ZC3H6: variants seen among roughly 807,000 people sequenced by gnomAD.
ZC3H6 encodes zinc finger CCCH-type containing 6.
In ZC3H6, 40 loss-of-function variants were observed where a neutral mutation model predicts 107.7. The ratio of observed to expected loss-of-function variants is 0.37; its 90% confidence interval spans 0.29 to 0.48. The LOEUF is 0.48. Ranked by LOEUF, ZC3H6 falls within the 20% of genes least tolerant of loss-of-function variation. ZC3H6 has a pLI of 0.98. For synonymous variants in ZC3H6, 493 were observed against 487.9 expected (o/e 1.01, Z -0.14); for missense variants, 1,267 against 1,410.4 (o/e 0.90, Z 1.63).
In ZC3H6 at chr2:112,325,094, C is replaced by G; in HGVS notation, c.1983C>G (p.Leu661=). ...GHGPLPVPGL[L]PAVQRALFVR... Reference sequence around the variant, plus strand: ...GCCCTCTGCCTGTACCAGGCCTCCTCCCTGCAGTGCAAAGAGCTCTTTTTG... The same window carrying G: ...GCCCTCTGCCTGTACCAGGCCTCCTGCCTGCAGTGCAAAGAGCTCTTTTTG... The change falls in exon 11 of 12, where the codon CTC becomes CTG. Residue 661 remains leucine (L), a synonymous_variant. Coordinates refer to ENST00000409871, the MANE Select transcript of ZC3H6 (RefSeq NM_198581.3). 1 of 1,613,992 alleles carries G rather than the reference C, an allele frequency of 6.2e-7. No individual in the cohort carries two copies. Among genetic ancestry groups the G allele is most frequent in the Non-Finnish European group, 8.5e-7 (1 of 1,179,894 alleles).
intron 1 of ZC3H6, among the ~76,000 whole-genome samples, chr2:112,282,881 C>T (rs1686551003): frequency 6.6e-6 from 1 of 152,180 alleles, no homozygotes; most frequent in Non-Finnish European, 1.5e-5. Flanking sequence ...CAAGCAGTTA[C>T]TTACATCAAT....
Position 112,325,213 on chromosome 2 carries a change from T to C in ZC3H6, c.2086+16T>C, listed in dbSNP as rs372173702. 2.7e-5 allele frequency: 43 copies of C among 1,611,382 alleles called. No individual in the cohort carries two copies. The highest frequency in any genetic ancestry group is 3.3e-5 in the Non-Finnish European group (39 of 1,177,932). On this transcript the variant is annotated intron_variant, in intron 11 of 11. Coordinates refer to ENST00000409871, the MANE Select transcript of ZC3H6 (RefSeq NM_198581.3). ...AAGGAAGAAGGTGTGTCAGAAGTTA[T>C]TAATAGCATCTTACCTATTTGGATG...
At chr2:112,326,496 T>C (rs1332591485) in intron 11 of ZC3H6, among the ~76,000 whole-genome samples, 1 of 152,226 alleles carries the variant, frequency 6.6e-6, no homozygotes, top group African/African-American at 2.4e-5. Context: ...CTTATTTCAC[T>C]TAACATAATG....
chr2:112,281,576 A>G (rs1257300982), intron 1 of ZC3H6, among the ~76,000 whole-genome samples: 1 of 152,196 alleles, frequency 6.6e-6, no homozygotes, highest in African/African-American at 2.4e-5. Context: ...TGGTGGCTGG[A>G]TGTGGACAAT....
chr2:112,278,786 T>A (rs1397992374), intron 1 of ZC3H6, among the ~76,000 whole-genome samples: 1 of 152,214 alleles, frequency 6.6e-6, no homozygotes, highest in Admixed American at 6.5e-5. Flanking sequence ...ACAGAATGCA[T>A]AATTTTTTTC....
intron 5 of ZC3H6, among the ~76,000 whole-genome samples, chr2:112,313,790 C>T (rs760928121): frequency 1.3e-5 from 2 of 152,092 alleles, no homozygotes; most frequent in African/African-American, 4.8e-5. Flanking sequence ...AGCAGAGTGG[C>T]CAAGATAGAT....
chr2:112,318,505 G>C (rs1246851707), intron 7 of ZC3H6, among the ~76,000 whole-genome samples: 1 of 152,158 alleles, frequency 6.6e-6, no homozygotes, highest in Admixed American at 6.5e-5. Flanking sequence ...AATGCAAATG[G>C]TCCCAAAACA....
chr2:112,290,848 C>T (rs562894175), intron 1 of ZC3H6, among the ~76,000 whole-genome samples: 27 of 152,294 alleles, frequency 1.8e-4, no homozygotes, highest in African/African-American at 6.3e-4. Flanking sequence ...GCCCTTGGCT[C>T]AAATTGGCAT....
chr2:112,331,377 G>C lies in ZC3H6; in HGVS notation c.2459G>C (p.Arg820Thr). ...GCTGGCACTAATGTCAAACACAAAA[G>C]AGGCGATGATGATGATGAAGATACA... Reference protein sequence around the residue: ...ANAGTNVKHKRGDDDDEDTER... With the variant: ...ANAGTNVKHKTGDDDDEDTER... The change falls in exon 12 of 12, where the codon AGA becomes ACA. Residue 820 changes from arginine (R) to threonine (T), a missense_variant. Arg to Thr is a moderately conservative substitution (Grantham distance 71). Coordinates refer to ENST00000409871, the MANE Select transcript of ZC3H6 (RefSeq NM_198581.3). The C allele has an allele frequency of 6.2e-7, 1 of 1,613,758 alleles. No individual in the cohort carries two copies. Among genetic ancestry groups the C allele is most frequent in the Non-Finnish European group, 8.5e-7 (1 of 1,179,868 alleles).
In ZC3H6 at chr2:112,332,111, GCTT is replaced by G; in HGVS notation, c.3198_3200del (p.Ser1067del). The G allele has an allele frequency of 1.2e-6, 2 of 1,613,986 alleles. No individual in the cohort carries two copies. Among genetic ancestry groups the G allele is most frequent in the Admixed American group, 1.7e-5 (1 of 60,010 alleles). On this transcript the variant is annotated inframe_deletion, in exon 12 of 12. Coordinates refer to ENST00000409871, the MANE Select transcript of ZC3H6 (RefSeq NM_198581.3). ...ATCATCCACATCAGAGCTAGCAACA[GCTT>G]CTTCAGGAGAAAACTCAAAGAACCA...
In ZC3H6 at chr2:112,324,941, C is replaced by T. The variant is rs1035327989; in HGVS notation, c.1853-23C>T. 4 of 1,570,002 alleles carry T rather than the reference C, an allele frequency of 2.5e-6. No individual in the cohort carries two copies. In the African/African-American group the frequency reaches 5.4e-5, roughly 21 times the overall value. On this transcript the variant is annotated intron_variant, in intron 10 of 11. Transcript: ENST00000409871. The stretch of plus-strand genomic sequence containing the variant: ...AGTTTTGTGCTCACTCAATGACTGT[C>T]TCTCCCCATGTTATACATGTAGATG...
At chr2:112,296,468 A>G (rs780548244) in intron 1 of ZC3H6, among the ~76,000 whole-genome samples, 2 of 152,286 alleles carry the variant, frequency 1.3e-5, no homozygotes, top group Admixed American at 6.5e-5. Flanking sequence ...TTTTACTATT[A>G]TGACTACAGC....
In ZC3H6 at chr2:112,322,659, C is replaced by CCTAAAAA; in HGVS notation, c.1097_1098insCTAAAAA (p.Asp367Ter). On this transcript the variant is annotated stop_gained and frameshift_variant, in exon 9 of 12. Transcript: ENST00000409871. LOFTEE classifies it high-confidence loss of function. ...GCCAATTATTTTTAGGTGTTGAATA[C>CCTAAAAA]TGATGAAGAACTCATAAATGAAGAT... 3 of 1,600,822 alleles carry CCTAAAAA rather than the reference C, an allele frequency of 1.9e-6. No individual in the cohort carries two copies. The highest frequency in any genetic ancestry group is 1.3e-5 in the African/African-American group (1 of 74,118).
rs200190316 is a variant in ZC3H6, at chr2:112,324,639, T to G, written c.1828T>G (p.Phe610Val). Residue 610 changes from phenylalanine (F) to valine (V), a missense_variant, in exon 10 of 12, where the codon TTT (phenylalanine) becomes GTT (valine). Coordinates refer to ENST00000409871, the MANE Select transcript of ZC3H6 (RefSeq NM_198581.3). Reference sequence around the variant, plus strand: ...CTATGCACAGCATTCTATACATAATTTTCAGCCACCCAATAACTCTGGTGG... The same window carrying G: ...CTATGCACAGCATTCTATACATAATGTTCAGCCACCCAATAACTCTGGTGG... ...NYYAQHSIHN[F>V]QPPNNSGDGM... 812 of 1,604,278 alleles carry G rather than the reference T, an allele frequency of 5.1e-4. 2 individuals are homozygous for G. The highest frequency in any genetic ancestry group is 6.7e-4 in the Non-Finnish European group (783 of 1,174,382).
intron 10 of ZC3H6, 30 bp downstream of exon 10, chr2:112,324,693 C>A: frequency 6.6e-7 from 1 of 1,513,976 alleles, no homozygotes; most frequent in South Asian, 1.3e-5. Flanking sequence ...ATAATTTATT[C>A]CTAATTTAAA....
chr2:112,310,347 A>G (rs1307287009), intron 4 of ZC3H6, among the ~76,000 whole-genome samples, 186 bp downstream of exon 4: 2 of 152,224 alleles, frequency 1.3e-5, no homozygotes, highest in Non-Finnish European at 1.5e-5. Context: ...TGTATGATAC[A>G]TGAATATTTC....
intron 1 of ZC3H6, among the ~76,000 whole-genome samples, chr2:112,277,151 A>G (rs939413866): frequency 8.5e-5 from 13 of 152,206 alleles, no homozygotes; most frequent in Non-Finnish European, 1.6e-4. Context: ...TATTTCAACA[A>G]CTTCAGTATT....
chr2:112,303,096 G>A, intron 2 of ZC3H6, 133 bp from the exon 3 acceptor site: 1 of 1,144,490 alleles, frequency 8.7e-7, no homozygotes, highest in South Asian at 1.8e-5. Flanking sequence ...GAATTTTTCA[G>A]TAGTACTTCA....
At chr2:112,305,451 TCA>T (rs1676457126) in intron 3 of ZC3H6, among the ~76,000 whole-genome samples, 1 of 152,230 alleles carries the variant, frequency 6.6e-6, no homozygotes, top group Admixed American at 6.5e-5. Context: ...TTTAGGTATC[TCA>T]CATTTTTTAA....
Sources: allele counts gnomAD v4.1 joint callset (sites outside exome capture counted in the v4.1 genomes callset), GRCh38; gene constraint gnomAD v4.1.1; transcripts MANE v1.5; gene names NCBI Gene and HGNC (gene_info 2026-07-23, HGNC 2026-07-21).